The following PRKCE variants were observed in gnomAD, a reference collection of about 807,000 sequenced individuals.
PRKCE encodes protein kinase C epsilon, also known as protein kinase C epsilon type.
Under a neutral mutation model 85.4 loss-of-function variants are expected in PRKCE, and 16 were observed. The ratio of observed to expected loss-of-function variants is 0.19; its 90% CI spans 0.13 to 0.28. The LOEUF is 0.28. Ranked by LOEUF, PRKCE falls within the 10% of genes least tolerant of loss-of-function variation. The pLI is 1.00. For synonymous variants in PRKCE, 388 were observed against 371.5 expected, an observed-to-expected ratio of 1.04 and a Z score of -0.51; for missense variants, 573 against 975.2, an observed-to-expected ratio of 0.59 and a Z score of 5.49.
intron 2 of PRKCE, among the ~76,000 whole-genome samples, chr2:45,843,902 A>T (rs565660567): frequency 6.6e-6 from 1 of 152,250 alleles, no homozygotes; most frequent in Non-Finnish European, 1.5e-5. Context: ...GACCATGTGT[A>T]GTTCCTCTTG....
At chr2:45,706,829 A>T (rs1352918272) in intron 1 of PRKCE, among the ~76,000 whole-genome samples, 1 of 152,206 alleles carries the variant, frequency 6.6e-6, no homozygotes, top group African/African-American at 2.4e-5. Context: ...CTTTCATTTG[A>T]ACTGTGTCTT....
At chr2:46,020,916 T>C (rs1224638064) in intron 10 of PRKCE, among the ~76,000 whole-genome samples, 1 of 152,244 alleles carries the variant, frequency 6.6e-6, no homozygotes, top group East Asian at 1.9e-4. Flanking sequence ...TCATCAATCT[T>C]ACCCAAGTCC....
intron 1 of PRKCE, among the ~76,000 whole-genome samples, chr2:45,819,016 C>G (rs933784069): frequency 2.0e-5 from 3 of 152,152 alleles, no homozygotes; most frequent in African/African-American, 4.8e-5. Context: ...GGGCGTGGAG[C>G]CTCCTGAGAC....
chr2:45,917,981 C>T (rs1192562120), intron 2 of PRKCE, among the ~76,000 whole-genome samples: 1 of 152,218 alleles, frequency 6.6e-6, no homozygotes, highest in Non-Finnish European at 1.5e-5. Flanking sequence ...CGGGGCCCGC[C>T]AAGCCCACGC....
intron 1 of PRKCE, among the ~76,000 whole-genome samples, chr2:45,813,161 G>A (rs753145477): frequency 6.6e-6 from 1 of 152,114 alleles, no homozygotes; most frequent in Non-Finnish European, 1.5e-5. Flanking sequence ...CATCCAGTGC[G>A]CTAATCACCA....
At chr2:45,830,858 G>A (rs1690365870) in intron 1 of PRKCE, among the ~76,000 whole-genome samples, 2 of 152,230 alleles carry the variant, frequency 1.3e-5, no homozygotes, top group Admixed American at 1.3e-4. Flanking sequence ...TATCAATTAT[G>A]TGTGAGAACA....
chr2:45,702,947 G>A (rs142923637), intron 1 of PRKCE, among the ~76,000 whole-genome samples: 1 of 152,232 alleles, frequency 6.6e-6, no homozygotes, highest in African/African-American at 2.4e-5. Flanking sequence ...GAGATCAGCT[G>A]CTAAGGCCAT....
intron 2 of PRKCE, among the ~76,000 whole-genome samples, chr2:45,863,920 C>T (rs570357471): frequency 1.1e-3 from 175 of 152,286 alleles, no homozygotes; most frequent in African/African-American, 3.7e-3. Flanking sequence ...GGGCAGCAGA[C>T]GGCCCAATTC....
At chr2:45,716,448 C>T (rs1050034254) in intron 1 of PRKCE, among the ~76,000 whole-genome samples, 1 of 151,772 alleles carries the variant, frequency 6.6e-6, no homozygotes, top group South Asian at 2.1e-4. Context: ...ACTTAGGAAG[C>T]AGAAGTTGCA....
intron 11 of PRKCE, among the ~76,000 whole-genome samples, chr2:46,105,893 C>T (rs1333542158): frequency 6.6e-6 from 1 of 152,182 alleles, no homozygotes; most frequent in Non-Finnish European, 1.5e-5. Flanking sequence ...TTTTTCATGA[C>T]TGCAAATGGC....
At chr2:46,066,703 C>A (rs1432136359) in intron 10 of PRKCE, among the ~76,000 whole-genome samples, 5 of 152,174 alleles carry the variant, frequency 3.3e-5, no homozygotes, top group Non-Finnish European at 7.3e-5. Context: ...TTGTCACTGG[C>A]TGACCCTTGG....
intron 2 of PRKCE, among the ~76,000 whole-genome samples, chr2:45,913,445 C>G (rs563536928): frequency 6.6e-6 from 1 of 152,384 alleles, no homozygotes; most frequent in South Asian, 2.1e-4. Flanking sequence ...CCACCATGCC[C>G]AGCCAGCAAG....
intron 1 of PRKCE, among the ~76,000 whole-genome samples, chr2:45,799,017 T>C (rs1023124027): frequency 2.6e-5 from 4 of 151,930 alleles, no homozygotes; most frequent in African/African-American, 9.7e-5. Context: ...AATACAAAAA[T>C]TAGCCGGGCA....
At chr2:45,988,736 A>G (rs1402612789) in intron 6 of PRKCE, among the ~76,000 whole-genome samples, 1 of 152,164 alleles carries the variant, frequency 6.6e-6, no homozygotes, top group Non-Finnish European at 1.5e-5. Flanking sequence ...CGAGCCCCTC[A>G]ACCACTATTA....
At chr2:45,661,671 G>C (rs1675666572) in intron 1 of PRKCE, among the ~76,000 whole-genome samples, 1 of 148,018 alleles carries the variant, frequency 6.8e-6, no homozygotes, top group South Asian at 2.1e-4. Flanking sequence ...TGGGACTACA[G>C]GTGCCCGCCA....
At chr2:46,147,761 A>G (rs996265486) in intron 12 of PRKCE, among the ~76,000 whole-genome samples, 4 of 152,206 alleles carry the variant, frequency 2.6e-5, no homozygotes, top group Admixed American at 2.6e-4. Flanking sequence ...TGGTGGCTTC[A>G]TGGTTATCAT....
intron 2 of PRKCE, among the ~76,000 whole-genome samples, chr2:45,941,055 G>A (rs1699838565): frequency 1.2e-5 from 1 of 83,900 alleles, no homozygotes; most frequent in African/African-American, 4.9e-5. Context: ...GACAGAGTGA[G>A]ACTTCATCCT....
At chr2:45,904,830 C>T (rs1332103789) in intron 2 of PRKCE, among the ~76,000 whole-genome samples, 2 of 152,180 alleles carry the variant, frequency 1.3e-5, no homozygotes, top group East Asian at 3.9e-4. Context: ...GGGACATTCT[C>T]CTGATGGCAG....
At chr2:45,947,982 A>G (rs1339851241) in intron 2 of PRKCE, among the ~76,000 whole-genome samples, 1 of 152,214 alleles carries the variant, frequency 6.6e-6, no homozygotes, top group Admixed American at 6.5e-5. Flanking sequence ...TTGTACAGTA[A>G]TAAGACTGAC....
Sources: gnomAD v4.1 joint callset for allele counts (sites outside exome capture counted in the v4.1 genomes callset) on GRCh38, gnomAD v4.1.1 for gene constraint, MANE v1.5 for transcripts, NCBI Gene and HGNC (gene_info 2026-07-23, HGNC 2026-07-21) for gene names.